Variants in ABCG2 observed in about 807,000 individuals in gnomAD.
ABCG2 encodes the protein ATP binding cassette subfamily G member 2 (JR blood group), also known as broad substrate specificity ATP-binding cassette transporter ABCG2.
A neutral mutation model predicts 73.5 loss-of-function variants in ABCG2; 80 were observed. The ratio of observed to expected loss-of-function variants is 1.09; its 90% CI spans 0.91 to 1.31. The LOEUF (loss-of-function observed/expected upper bound fraction) is 1.31. Among genes scored for constraint, ABCG2 ranks in the 50% most tolerant of loss-of-function variants. The pLI, the probability that ABCG2 is intolerant of heterozygous loss-of-function variation, is 0.00. For synonymous variants in ABCG2, 269 were observed against 282.4 expected (o/e 0.95, Z 0.48); for missense variants, 796 against 786.2 (o/e 1.01, Z -0.15).
chr4:88,137,028 A>T (rs535786734), intron 2 of ABCG2, among the ~76,000 whole-genome samples: 3 of 131,726 alleles, frequency 2.3e-5, no homozygotes. Context: ...AATAAAATAA[A>T]ATAAAATAAA....
rs534827780 is a variant in ABCG2 at position 88,173,428 on chromosome 4, GA to G, written c.-19-33415del. 1.6e-3 allele frequency among the ~76,000 whole-genome samples: 241 copies of G among 152,166 alleles called. 2 individuals are homozygous for G. The highest frequency in any genetic ancestry group is 6.8e-3 in the Middle Eastern group (2 of 294). ...CTTCCATTGTTTACTGTAAAATTAT[GA>G]ATCTAAAAACTTGAGTAGATTCAGG... On this transcript the variant is annotated intron_variant, in intron 1 of 15. Transcript: ENST00000515655.
intron 1 of ABCG2, among the ~76,000 whole-genome samples, chr4:88,191,123 T>TA (rs1728671954): frequency 6.6e-6 from 1 of 150,472 alleles, no homozygotes; most frequent in Non-Finnish European, 1.5e-5. Flanking sequence ...AGGGTGCCTG[T>TA]AGTCCCAGCT....
intron 1 of ABCG2, among the ~76,000 whole-genome samples, chr4:88,174,450 T>C (rs567709278): frequency 3.3e-5 from 5 of 152,340 alleles, no homozygotes; most frequent in Non-Finnish European, 7.3e-5. Context: ...GTTACTTTGC[T>C]GAGAATGACG....
chr4:88,123,311 G>T (rs557326775), intron 5 of ABCG2, among the ~76,000 whole-genome samples: 1 of 152,152 alleles, frequency 6.6e-6, no homozygotes, highest in Non-Finnish European at 1.5e-5. Flanking sequence ...TGGAGAATGA[G>T]TTTGATGAAT....
chr4:88,106,009 T>C (rs1447953766), intron 10 of ABCG2, among the ~76,000 whole-genome samples: 1 of 152,172 alleles, frequency 6.6e-6, no homozygotes, highest in South Asian at 2.1e-4. Flanking sequence ...GAATGTAAAA[T>C]GGTACGGCCA....
At chr4:88,173,661 G>A (rs530664179) in intron 1 of ABCG2, among the ~76,000 whole-genome samples, 2 of 152,074 alleles carry the variant, frequency 1.3e-5, no homozygotes, top group East Asian at 3.9e-4. Flanking sequence ...GCCAGGGATT[G>A]AAATTTTCTC....
upstream of ABCG2, among the ~76,000 whole-genome samples, chr4:88,231,490 T>C (rs1730463686): frequency 1.3e-5 from 2 of 152,186 alleles, no homozygotes; most frequent in Non-Finnish European, 2.9e-5. Context: ...TCTTTCTCTT[T>C]GTGCCGCGGA....
At chr4:88,100,218 G>A (rs1025665641) in intron 11 of ABCG2, among the ~76,000 whole-genome samples, 4 of 148,102 alleles carry the variant, frequency 2.7e-5, no homozygotes, top group Non-Finnish European at 5.9e-5. Context: ...ACAGCCAGGC[G>A]CCCCGGTGCA....
At chr4:88,096,983 G>A (rs1385522424) in intron 13 of ABCG2, among the ~76,000 whole-genome samples, 1 of 152,052 alleles carries the variant, frequency 6.6e-6, no homozygotes, top group East Asian at 1.9e-4. Context: ...ATCTCTGCTG[G>A]TGGGTAAACA....
intron 1 of ABCG2, among the ~76,000 whole-genome samples, chr4:88,166,260 C>T (rs554631184): frequency 6.6e-6 from 1 of 152,304 alleles, no homozygotes; most frequent in Admixed American, 6.5e-5. Flanking sequence ...AAGGAGACCA[C>T]TTGCACCTGA....
At chr4:88,164,482 G>A (rs951719092) in intron 1 of ABCG2, among the ~76,000 whole-genome samples, 4 of 152,132 alleles carry the variant, frequency 2.6e-5, no homozygotes, top group East Asian at 3.9e-4. Flanking sequence ...GTTCTCACGC[G>A]CTCTGATGGT....
At chr4:88,094,737 C>T in intron 14 of ABCG2, 78 bp from the exon 15 acceptor site, 1 of 1,071,824 alleles carries the variant, frequency 9.3e-7, no homozygotes, top group Non-Finnish European at 1.4e-6. Context: ...CACAATCATG[C>T]CCTCTGAGTT....
chr4:88,098,650 A>AGATT (rs1722165102), intron 12 of ABCG2, among the ~76,000 whole-genome samples: 1 of 147,646 alleles, frequency 6.8e-6, no homozygotes, highest in African/African-American at 2.5e-5. Context: ...AGGGAGAGAT[A>AGATT]GATAGATAGA....
rs1271392310 is a variant in ABCG2 at position 88,170,145 on chromosome 4, C to A, written c.-19-30131G>T. Among the ~76,000 whole-genome samples the A allele has an allele frequency of 2.0e-5, 3 of 151,230 alleles. No individual in the cohort carries two copies. The East Asian group carries it at 5.8e-4, about 29-fold the overall frequency. On this transcript the variant is annotated intron_variant, in intron 1 of 15. Coordinates refer to the ABCG2 transcript ENST00000515655. ...AAAAAAAAAAGCTGCATTTTTAAAC[C>A]TTTTTTTCTTTCCTCCTTTCTTGCC...
At chr4:88,174,684 G>A (rs1378227137) in intron 1 of ABCG2, among the ~76,000 whole-genome samples, 2 of 152,126 alleles carry the variant, frequency 1.3e-5, no homozygotes, top group African/African-American at 4.8e-5. Context: ...GAGCCACCAT[G>A]CCCAGCTGAT....
At chr4:88,150,186 G>A (rs115818777) in intron 1 of ABCG2, among the ~76,000 whole-genome samples, 2,432 of 152,140 alleles carry the variant, frequency 0.016, 77 homozygotes, top group African/African-American at 0.054. Context: ...GTGTGGTGGC[G>A]CATACCTGTA....
intron 2 of ABCG2, among the ~76,000 whole-genome samples, chr4:88,136,168 C>A (rs1190749203): frequency 6.6e-6 from 1 of 152,128 alleles, no homozygotes; most frequent in Non-Finnish European, 1.5e-5. Flanking sequence ...CTTCTCCCGC[C>A]CGCTTTGGCC....
intron 1 of ABCG2, among the ~76,000 whole-genome samples, chr4:88,187,644 A>C (rs1728519041): frequency 6.6e-6 from 1 of 152,188 alleles, no homozygotes; most frequent in African/African-American, 2.4e-5. Flanking sequence ...TAAATGCTTG[A>C]GGTGATGGAT....
upstream of ABCG2, chr4:88,158,680 A>T: frequency 2.2e-6 from 1 of 455,972 alleles, no homozygotes; most frequent in Non-Finnish European, 4.4e-6. Context: ...TTGAGTGGGC[A>T]CAGCACGCAG....
Sources: gnomAD v4.1 joint callset for allele counts (sites outside exome capture counted in the v4.1 genomes callset) on GRCh38, gnomAD v4.1.1 for gene constraint, MANE v1.5 for transcripts, NCBI Gene and HGNC (gene_info 2026-07-23, HGNC 2026-07-21) for gene names.